LRRC49: variants seen among roughly 807,000 people sequenced by gnomAD.
LRRC49 encodes the protein leucine-rich repeat-containing protein 49.
LRRC49 carries 50 observed loss-of-function variants against 83.3 expected under a neutral mutation model. The ratio of observed to expected loss-of-function variants is 0.60; its 90% CI spans 0.48 to 0.76. The LOEUF is 0.76. Among genes scored for constraint, LRRC49 ranks in the 30% least tolerant of loss-of-function variants. The pLI, the probability that LRRC49 is intolerant of heterozygous loss-of-function variation, is 0.00. For missense variants in LRRC49, 704 were observed against 809.1 expected (o/e 0.87, Z 1.58); for synonymous variants, 286 against 283.3 (o/e 1.01, Z -0.10).
At position 70,862,537 on chromosome 15, in the gene LRRC49, C is replaced by T. The variant is rs188442772; in HGVS notation, c.-299+9068C>T. On this transcript the variant is annotated intron_variant, in intron 1 of 16. Coordinates refer to the LRRC49 transcript ENST00000544974. The stretch of plus-strand genomic sequence containing the variant: ...AGGTTGCAGTGAGCTGAGATTGTAC[C>T]ACTGCCCTCCAGCCTGGGCGACAGA... Among the ~76,000 whole-genome samples, 8 of 144,752 alleles carry T rather than the reference C, an allele frequency of 5.5e-5. No individual in the cohort carries two copies. The East Asian group carries it at 1.6e-3, about 29-fold the overall frequency. 95.0% of individuals were successfully genotyped at this position (144,752 alleles called of 152,430 possible).
intron 1 of LRRC49, among the ~76,000 whole-genome samples, chr15:70,857,236 A>G (rs1219768374): frequency 6.6e-6 from 1 of 152,170 alleles, no homozygotes; most frequent in Non-Finnish European, 1.5e-5. Context: ...TCCAGTATAT[A>G]CAAGGGTGTT....
chr15:70,860,262 C>G, intron 1 of LRRC49: 1 of 588,908 alleles, frequency 1.7e-6, no homozygotes, highest in Admixed American at 2.8e-5. Context: ...GGAGACCCAC[C>G]TGAGGCTCAG....
chr15:70,888,239 A>G (rs2033461507), upstream of LRRC49, among the ~76,000 whole-genome samples: 1 of 152,184 alleles, frequency 6.6e-6, no homozygotes, highest in Non-Finnish European at 1.5e-5. Flanking sequence ...ATCCACAAAC[A>G]TGAACAAGGT....
chr15:70,965,578 T>C (rs2036765892), intron 9 of LRRC49, among the ~76,000 whole-genome samples: 1 of 152,104 alleles, frequency 6.6e-6, no homozygotes, highest in East Asian at 1.9e-4. Context: ...TCAATTCAGA[T>C]TTTTTGATGT....
chr15:70,975,198 A>T (rs2037163189), intron 9 of LRRC49, among the ~76,000 whole-genome samples: 1 of 152,132 alleles, frequency 6.6e-6, no homozygotes, highest in African/African-American at 2.4e-5. Context: ...AAAGAATCTG[A>T]CATGATTAGT....
At position 71,009,831 on chromosome 15, in the gene LRRC49, C is replaced by G; in HGVS notation, c.1432C>G (p.Leu478Val). 6.2e-7 allele frequency: 1 copy of G among 1,611,682 alleles called. No homozygotes were observed. The highest frequency in any genetic ancestry group is 1.1e-5 in the South Asian group (1 of 90,844). ...SLHLKFKETN[L>V]VMLQQFNALA... Reference sequence around the variant, plus strand: ...GCACCTTAAATTCAAGGAAACAAATCTTGTAATGCTGCAGCAATTTAACGC... The same window carrying G: ...GCACCTTAAATTCAAGGAAACAAATGTTGTAATGCTGCAGCAATTTAACGC... Residue 478 changes from leucine to valine, a missense_variant, in exon 13 of 16, where the codon CTT (leucine) becomes GTT (valine). By Grantham distance (32) the Leu-to-Val change is conservative. Around this residue, in one of 3 missense-constraint regions of LRRC49, gnomAD observed 275 missense variants for 338.0 expected, o/e 0.81. Coordinates refer to ENST00000260382, the MANE Select transcript of LRRC49 (RefSeq NM_017691.5).
At chr15:70,916,842 G>C (rs964580822) in intron 6 of LRRC49, among the ~76,000 whole-genome samples, 1 of 152,086 alleles carries the variant, frequency 6.6e-6, no homozygotes. Context: ...CAGGAGCCCC[G>C]CCCTCCTGGG....
At chr15:70,860,689 A>G (rs2032768617) in intron 1 of LRRC49, among the ~76,000 whole-genome samples, 1 of 152,202 alleles carries the variant, frequency 6.6e-6, no homozygotes, top group Non-Finnish European at 1.5e-5. Flanking sequence ...ACTCTGCCCT[A>G]TAGTTTATTT....
chr15:70,942,317 C>T (rs2035851654), intron 8 of LRRC49, among the ~76,000 whole-genome samples: 1 of 151,924 alleles, frequency 6.6e-6, no homozygotes, highest in South Asian at 2.1e-4. Flanking sequence ...TGCATAAGGG[C>T]CTTAAAATTA....
chr15:70,903,021 G>A (rs1442239172), intron 4 of LRRC49, among the ~76,000 whole-genome samples: 1 of 152,102 alleles, frequency 6.6e-6, no homozygotes, highest in African/African-American at 2.4e-5. Context: ...TCAATCTACG[G>A]TAGTTTAGGT....
At chr15:71,015,402 T>G (rs1270944412) in intron 14 of LRRC49, among the ~76,000 whole-genome samples, 1 of 152,132 alleles carries the variant, frequency 6.6e-6, no homozygotes, top group Non-Finnish European at 1.5e-5. Context: ...TAGATTCTCA[T>G]AAGGAGTGGG....
intron 14 of LRRC49, among the ~76,000 whole-genome samples, chr15:71,023,845 T>G (rs1378853671): frequency 6.6e-6 from 1 of 152,200 alleles, no homozygotes; most frequent in Non-Finnish European, 1.5e-5. Flanking sequence ...TCACCATCAC[T>G]GAGGCTGCCT....
At chr15:71,022,495 A>T (rs1274124688) in intron 14 of LRRC49, among the ~76,000 whole-genome samples, 1 of 152,230 alleles carries the variant, frequency 6.6e-6, no homozygotes, top group Non-Finnish European at 1.5e-5. Context: ...GAAAGTAAAA[A>T]AGTGAGAAAA....
chr15:70,891,758 A>C (rs1595985519), upstream of LRRC49: 9 of 1,229,164 alleles, frequency 7.3e-6, no homozygotes, highest in East Asian at 2.3e-4. Context: ...TTTCGAGATG[A>C]GGTGCCTTTC....
chr15:70,853,923 T>C, intron 1 of LRRC49: 1 of 1,400,190 alleles, frequency 7.1e-7, no homozygotes, highest in Non-Finnish European at 9.3e-7. Context: ...TCGCTCGCGC[T>C]GCCCCAGCCG....
intron 14 of LRRC49, among the ~76,000 whole-genome samples, chr15:71,024,961 T>C (rs1260510241): frequency 6.6e-6 from 1 of 152,156 alleles, no homozygotes; most frequent in African/African-American, 2.4e-5. Flanking sequence ...GCTTGAAGAC[T>C]GTCTTGCTGA....
chr15:70,876,997 A>ACT (rs1428044816), intron 2 of LRRC49, among the ~76,000 whole-genome samples: 1 of 151,656 alleles, frequency 6.6e-6, no homozygotes, highest in African/African-American at 2.4e-5. Flanking sequence ...TAATGATGCC[A>ACT]CTCTCCTTCT....
rs889344770 is a variant in LRRC49, at chr15:71,037,250, A to G, written c.1775A>G (p.Asp592Gly). 2.1e-5 allele frequency: 33 copies of G among 1,609,542 alleles called. No homozygotes were observed. The highest frequency in any genetic ancestry group is 2.6e-5 in the Non-Finnish European group (31 of 1,176,708). Residue 592 changes from aspartate (D) to glycine (G), a missense_variant, in exon 15 of 16, where the codon GAC becomes GGC. By Grantham distance (94) the Asp-to-Gly change is moderately conservative. This residue lies in a region of LRRC49 where 275 missense variants were observed against 338.0 expected (regional missense o/e 0.81). Coordinates refer to ENST00000260382, the MANE Select transcript of LRRC49 (RefSeq NM_017691.5). ...KPGIINEENN[D>G]SKRLVGENTN... The stretch of plus-strand genomic sequence containing the variant: ...GGTATTATCAACGAAGAAAATAATG[A>G]CAGCAAAAGACTTGTAGGAGAAAAC...
chr15:70,891,567 C>CTCTG (rs1229520079), upstream of LRRC49, among the ~76,000 whole-genome samples: 1 of 137,050 alleles, frequency 7.3e-6, no homozygotes, highest in Admixed American at 7.6e-5. Flanking sequence ...GGACAAGACT[C>CTCTG]TGTGTGTGTG....
Sources: gnomAD v4.1 joint callset for allele counts (sites outside exome capture counted in the v4.1 genomes callset) on GRCh38, gnomAD v4.1.1 for gene constraint, gnomAD v4.1.1 regional missense constraint, MANE v1.5 for transcripts, NCBI Gene and HGNC (gene_info 2026-07-23, HGNC 2026-07-21) for gene names.